MCUR1: variants seen among roughly 807,000 people sequenced by gnomAD.
The protein encoded by MCUR1 is MCU regulator 1.
In MCUR1, 37 loss-of-function variants were observed where a neutral mutation model predicts 42.0. That is an observed-to-expected ratio of 0.88 (90% CI 0.68 to 1.16). The LOEUF (loss-of-function observed/expected upper bound fraction) is 1.16. Ranked by LOEUF, MCUR1 falls within the 50% of genes most tolerant of loss-of-function variation. MCUR1 has a pLI of 0.00. For missense variants in MCUR1, 469 were observed against 468.4 expected (o/e 1.00, Z -0.01); for synonymous variants, 229 against 196.2 (o/e 1.17, Z -1.40).
rs577165844 is a variant in MCUR1, at chr6:13,790,862, A to T, written c.1027T>A (p.Ser343Thr). 6.8e-6 allele frequency: 11 copies of T among 1,608,214 alleles called. No homozygotes were observed. The South Asian group carries it at 1.2e-4, about 18-fold the overall frequency. ...KLDNIKYLAG[S>T]IFTCLTVALG... Reference sequence around the variant, plus strand: ...GCTACTGTTAGGCACGTAAATATAGACCCTGTAAGAAAAAAACAATTGAGA... The same window carrying T: ...GCTACTGTTAGGCACGTAAATATAGTCCCTGTAAGAAAAAAACAATTGAGA... The change falls in exon 9 of 9, where the codon TCT (serine) becomes ACT (threonine). Residue 343 changes from serine (S) to threonine (T), a missense_variant and splice_region_variant. By Grantham distance (58) the Ser-to-Thr change is moderately conservative. Transcript: ENST00000379170.
At chr6:13,805,824 T>C (rs2113473782) in intron 2 of MCUR1, among the ~76,000 whole-genome samples, 1 of 152,330 alleles carries the variant, frequency 6.6e-6, no homozygotes, top group South Asian at 2.1e-4. Context: ...ATAATCGGTG[T>C]ATTTGTCTAA....
chr6:13,814,149 C>T lies in MCUR1; in HGVS notation c.281G>A (p.Arg94His), dbSNP rs1760307992. The change falls in exon 1 of 9, where the codon CGC becomes CAC. Residue 94 changes from arginine to histidine, a missense_variant. Arg to His is a conservative substitution (Grantham distance 29). Coordinates refer to ENST00000379170, the MANE Select transcript of MCUR1 (RefSeq NM_001031713.4). ...APRRQLGDWE[R>H]SRLGYAAPPA... ...GGGTGCGGCATACCCGAGGCGCGAG[C>T]GCTCCCAGTCCCCGAGCTGCCGGCG... The T allele has an allele frequency of 2.3e-6, 3 of 1,308,682 alleles. No individual in the cohort carries two copies. The highest frequency in any genetic ancestry group is 3.1e-5 in the East Asian group (1 of 31,808). The allele number at this position is 1,308,682 out of a possible 1,614,324, so 81.1% of individuals were successfully genotyped here. A position where few individuals can be genotyped will look rare whatever the true frequency, so the allele number is the denominator to read the frequency against.
chr6:13,813,328 G>A, intron 1 of MCUR1, among the ~76,000 whole-genome samples: 1 of 152,002 alleles, frequency 6.6e-6, no homozygotes, highest in East Asian at 1.9e-4. Context: ...TTCACAACTG[G>A]AGACCCATTC....
intron 2 of MCUR1, among the ~76,000 whole-genome samples, chr6:13,803,032 A>G (rs1008911818): frequency 3.3e-5 from 5 of 152,148 alleles, no homozygotes; most frequent in African/African-American, 1.2e-4. Context: ...ATGATACTGA[A>G]TTGAATGATA....
At chr6:13,800,002 T>C (rs1178454992) in intron 5 of MCUR1, among the ~76,000 whole-genome samples, 29 of 152,026 alleles carry the variant, frequency 1.9e-4, no homozygotes, top group Admixed American at 1.9e-3. Flanking sequence ...CACTTAATTT[T>C]TGTATTTTTA....
chr6:13,793,142 AAAAAG>A (rs1400182516), intron 7 of MCUR1, among the ~76,000 whole-genome samples: 5 of 151,576 alleles, frequency 3.3e-5, no homozygotes, highest in Non-Finnish European at 7.4e-5. Context: ...AAAAAAAAAA[AAAAAG>A]AAAGAAGAAA....
chr6:13,794,639 T>G (rs1759813097), intron 6 of MCUR1, among the ~76,000 whole-genome samples: 1 of 18,644 alleles, frequency 5.4e-5, no homozygotes, highest in Non-Finnish European at 9.1e-5. Flanking sequence ...ACATGTTGGG[T>G]TTTTTTTTTT....
rs780507576 is a variant in MCUR1, at chr6:13,814,439, G to C, written c.-10C>G. The C allele has an allele frequency of 4.6e-6, 7 of 1,513,788 alleles. No homozygotes were observed. The South Asian group carries it at 4.9e-5, about 11-fold the overall frequency. 93.8% of individuals were successfully genotyped at this position (1,513,788 alleles called of 1,614,324 possible). A position where few individuals can be genotyped will look rare whatever the true frequency, so the allele number is the denominator to read the frequency against. The stretch of plus-strand genomic sequence containing the variant: ...CCGAGCCGCAGTCCATCCCCGAGCA[G>C]TTCACTGGCCCGGGCGCGCGCTCAT... On this transcript the variant is annotated 5_prime_UTR_variant, in exon 1 of 9. Transcript: ENST00000379170.
intron 6 of MCUR1, among the ~76,000 whole-genome samples, chr6:13,795,877 C>A (rs1263062198): frequency 1.3e-5 from 2 of 152,004 alleles, no homozygotes; most frequent in Admixed American, 1.3e-4. Context: ...TCCCCCAAAA[C>A]CCACTGAAAT....
rs1310063129 is a variant in MCUR1, at chr6:13,814,265, G to A, written c.165C>T (p.Arg55=). ...ACACGCCGCCGCGGGCCGCCGGGGC[G>A]CGAGGGCGCAGCGCCCCCAGACCGT... ...LSDGLGALRP[R]APAARGGVSR... The change falls in exon 1 of 9, where the codon CGC becomes CGT. Residue 55 remains arginine (R), a synonymous_variant. Transcript: ENST00000379170. 10 of 1,476,656 alleles carry A rather than the reference G, an allele frequency of 6.8e-6. No homozygotes were observed. In the East Asian group the frequency reaches 2.7e-4, roughly 40 times the overall value. The allele number at this position is 1,476,656 out of a possible 1,614,324, so 91.5% of individuals were successfully genotyped here.
intron 1 of MCUR1, among the ~76,000 whole-genome samples, chr6:13,812,190 A>G (rs1342495356): frequency 2.0e-5 from 3 of 152,208 alleles, no homozygotes; most frequent in Admixed American, 1.3e-4. Flanking sequence ...GCCCAAAGGT[A>G]GCCTTGGACA....
At chr6:13,801,145 T>C in intron 4 of MCUR1, 143 bp downstream of exon 4, 1 of 632,488 alleles carries the variant, frequency 1.6e-6, no homozygotes, top group Non-Finnish European at 2.7e-6. Flanking sequence ...GTGGGCAAGT[T>C]TTCCTGCTCG....
At position 13,814,421 on chromosome 6, in the gene MCUR1, G is replaced by A; in HGVS notation, c.9C>T (p.Cys3=). 1.3e-6 allele frequency: 2 copies of A among 1,538,848 alleles called. No homozygotes were observed. The highest frequency in any genetic ancestry group is 2.5e-5 in the East Asian group (1 of 39,306). ...GGGTCCTCTGGCCGCCGACCGAGCC[G>A]CAGTCCATCCCCGAGCAGTTCACTG... MD[C]GSVGGQRTQR... is the part of the protein sequence containing the mutation. The change falls in exon 1 of 9, where the codon TGC becomes TGT. Residue 3 remains cysteine, a synonymous_variant. Transcript: ENST00000379170.
intron 6 of MCUR1, among the ~76,000 whole-genome samples, chr6:13,794,595 A>T (rs1177592564): frequency 6.6e-6 from 1 of 151,908 alleles, no homozygotes; most frequent in Non-Finnish European, 1.5e-5. Context: ...TGATTATAAA[A>T]TACAATGTAA....
chr6:13,799,836 T>C (rs946930986), intron 5 of MCUR1, among the ~76,000 whole-genome samples: 69 of 142,926 alleles, frequency 4.8e-4, no homozygotes, highest in Admixed American at 1.2e-3. Context: ...TCTTTTTTTT[T>C]TTTTTTTTTT....
intron 2 of MCUR1, chr6:13,804,230 G>T: frequency 5.0e-6 from 1 of 198,608 alleles, no homozygotes; most frequent in South Asian, 6.0e-5. Flanking sequence ...GGATGAGGTG[G>T]GAGGATCGCT....
intron 1 of MCUR1, among the ~76,000 whole-genome samples, chr6:13,812,946 C>CCCCACAACTACCTTTCAGCCCA (rs1760269934): frequency 6.6e-6 from 1 of 152,192 alleles, no homozygotes; most frequent in African/African-American, 2.4e-5. Flanking sequence ...TAGTCATGAG[C>CCCCACAACTACCTTTCAGCCCA]CCCACAACTA....
intron 6 of MCUR1, among the ~76,000 whole-genome samples, chr6:13,797,930 G>A (rs1053296665): frequency 6.6e-6 from 1 of 151,706 alleles, no homozygotes; most frequent in African/African-American, 2.4e-5. Context: ...GGCTGAGGCA[G>A]GAGAATTGCT....
intron 6 of MCUR1, 126 bp downstream of exon 6, chr6:13,798,707 G>A (rs1030542350): frequency 1.4e-5 from 9 of 628,322 alleles, no homozygotes; most frequent in South Asian, 2.7e-5. Context: ...AGAAAATACA[G>A]CCTAACACTG....
Sources: allele counts gnomAD v4.1 joint callset (sites outside exome capture counted in the v4.1 genomes callset), GRCh38; gene constraint gnomAD v4.1.1; transcripts MANE v1.5; gene names NCBI Gene and HGNC (gene_info 2026-07-23, HGNC 2026-07-21).